HYCC2: variants seen among roughly 807,000 people sequenced by gnomAD.
HYCC2 encodes the protein hyccin PI4KA lipid kinase complex subunit 2.
chr2:201,005,450 G>A, the HYCC2 span, among the ~76,000 whole-genome samples: 7 of 152,010 alleles, frequency 4.6e-5, no homozygotes, highest in African/African-American at 1.7e-4. Context: ...TCCAGTACCA[G>A]TGCTGCAACT....
At chr2:201,045,446 T>C in the HYCC2 span, 3 of 397,596 alleles carry the variant, frequency 7.5e-6, no homozygotes, top group Non-Finnish European at 1.3e-5. Flanking sequence ...TGTCTAATGA[T>C]ATAGAAAATT....
At chr2:201,032,122 G>C in the HYCC2 span, among the ~76,000 whole-genome samples, 1 of 151,836 alleles carries the variant, frequency 6.6e-6, no homozygotes, top group South Asian at 2.1e-4. Flanking sequence ...CACCATGCCC[G>C]GCTAATTTTT....
At chr2:200,997,166 G>A in the HYCC2 span, 3 of 239,456 alleles carry the variant, frequency 1.3e-5, no homozygotes, top group Middle Eastern at 1.5e-3. Context: ...CAGGCGGGAG[G>A]ATCCCTTGAG....
chr2:201,039,941 G>A, the HYCC2 span, among the ~76,000 whole-genome samples: 6 of 152,262 alleles, frequency 3.9e-5, no homozygotes, highest in South Asian at 6.2e-4. Flanking sequence ...TTGGGAGGCC[G>A]AGGTGGGCAG....
the HYCC2 span, among the ~76,000 whole-genome samples, chr2:201,030,943 T>C: frequency 6.6e-6 from 1 of 152,170 alleles, no homozygotes; most frequent in Non-Finnish European, 1.5e-5. Context: ...AATAACTTAC[T>C]GATGGACACA....
At chr2:201,013,451 G>A in the HYCC2 span, among the ~76,000 whole-genome samples, 1 of 148,962 alleles carries the variant, frequency 6.7e-6, no homozygotes, top group Non-Finnish European at 1.5e-5. Context: ...CTAGGCGACA[G>A]CTGAGACTGT....
the HYCC2 span, among the ~76,000 whole-genome samples, chr2:201,024,499 T>C: frequency 7.9e-5 from 12 of 151,278 alleles, no homozygotes; most frequent in Non-Finnish European, 1.3e-4. Context: ...AAAAATAAAA[T>C]AAAAATAAGT....
the HYCC2 span, among the ~76,000 whole-genome samples, chr2:200,999,834 C>T: frequency 2.7e-5 from 4 of 149,438 alleles, no homozygotes; most frequent in South Asian, 6.4e-4. Context: ...GAGGCCGAGG[C>T]GGATCATACA....
the HYCC2 span, among the ~76,000 whole-genome samples, chr2:200,995,873 C>G: frequency 1.3e-5 from 2 of 152,142 alleles, no homozygotes; most frequent in Non-Finnish European, 2.9e-5. Flanking sequence ...TAATAGAAAA[C>G]TAACACAACA....
At chr2:200,988,471 T>C in the HYCC2 span, 1 of 1,401,642 alleles carries the variant, frequency 7.1e-7, no homozygotes, top group Non-Finnish European at 9.9e-7. Context: ...TATGCAGTTT[T>C]TGTTTATACT....
chr2:201,043,402 G>T, the HYCC2 span, among the ~76,000 whole-genome samples: 1 of 129,638 alleles, frequency 7.7e-6, no homozygotes, highest in African/African-American at 3.0e-5. Context: ...CCTCCTCTCC[G>T]AGAAACACCC....
the HYCC2 span, among the ~76,000 whole-genome samples, chr2:201,043,114 A>G: frequency 6.6e-6 from 1 of 152,154 alleles, no homozygotes; most frequent in Non-Finnish European, 1.5e-5. Context: ...GGATGCTGTT[A>G]ATCTATAACC....
the HYCC2 span, among the ~76,000 whole-genome samples, chr2:201,012,952 TACAC>T: frequency 0.094 from 13,685 of 145,980 alleles, 660 homozygotes; most frequent in African/African-American, 0.13. Flanking sequence ...TTTCAAAAAA[TACAC>T]ACACACACAC....
At chr2:201,058,244 GTCCA>G in the HYCC2 span, among the ~76,000 whole-genome samples, 283 of 152,084 alleles carry the variant, frequency 1.9e-3, 3 homozygotes, top group African/African-American at 6.4e-3. Flanking sequence ...TCAACATAGC[GTCCA>G]CAGACCCCCA....
chr2:201,031,076 A>G, the HYCC2 span, among the ~76,000 whole-genome samples: 1 of 152,204 alleles, frequency 6.6e-6, no homozygotes, highest in Non-Finnish European at 1.5e-5. Context: ...TGAAATTTTA[A>G]GGTTATAAGA....
chr2:201,032,340 T>A, the HYCC2 span, among the ~76,000 whole-genome samples: 12 of 152,176 alleles, frequency 7.9e-5, no homozygotes, highest in African/African-American at 2.7e-4. Context: ...TAAAAATATA[T>A]TTCATCATTA....
At chr2:201,020,543 T>C in the HYCC2 span, among the ~76,000 whole-genome samples, 1,088 of 152,262 alleles carry the variant, frequency 7.1e-3, 16 homozygotes, top group African/African-American at 0.025. Flanking sequence ...TGGTTGTTTA[T>C]CATATTCCAC....
chr2:201,024,605 A>G, the HYCC2 span, among the ~76,000 whole-genome samples: 1 of 152,238 alleles, frequency 6.6e-6, no homozygotes, highest in Non-Finnish European at 1.5e-5. Context: ...TGTCCTGAGT[A>G]AAATCAAGTT....
the HYCC2 span, among the ~76,000 whole-genome samples, chr2:201,017,938 TAGA>T: frequency 5.9e-5 from 9 of 152,274 alleles, no homozygotes; most frequent in Admixed American, 2.0e-4. Flanking sequence ...TACCACTCAG[TAGA>T]AGAAGGGATT....
Sources: allele counts gnomAD v4.1 joint callset (sites outside exome capture counted in the v4.1 genomes callset), GRCh38; gene constraint gnomAD v4.1.1; transcripts MANE v1.5; gene names NCBI Gene and HGNC (gene_info 2026-07-23, HGNC 2026-07-21).